The following DENND1A variants were observed in gnomAD, a reference collection of about 807,000 sequenced individuals.
DENND1A encodes the protein DENN domain-containing protein 1A.
DENND1A carries 51 observed loss-of-function variants against 113.7 expected under a neutral mutation model. That is an observed-to-expected ratio of 0.45 (90% CI 0.36 to 0.57). The LOEUF is 0.57. Ranked by LOEUF, DENND1A falls within the 20% of genes least tolerant of loss-of-function variation. DENND1A has a pLI of 0.00. For missense variants in DENND1A, 1,258 were observed against 1,395.9 expected (o/e 0.90, Z 1.57); for synonymous variants, 565 against 570.8 (o/e 0.99, Z 0.14).
At chr9:123,563,744 A>C (rs1199261479) in intron 12 of DENND1A, among the ~76,000 whole-genome samples, 1 of 152,192 alleles carries the variant, frequency 6.6e-6, no homozygotes, top group Non-Finnish European at 1.5e-5. Context: ...CCCTACTGTG[A>C]ATATAATAAA....
intron 13 of DENND1A, among the ~76,000 whole-genome samples, chr9:123,514,601 G>A (rs546043128): frequency 5.9e-5 from 9 of 152,304 alleles, no homozygotes; most frequent in African/African-American, 2.2e-4. Context: ...GGAAAATATA[G>A]GCCAGGTTTT....
At chr9:123,805,460 G>A (rs1161065678) in intron 2 of DENND1A, among the ~76,000 whole-genome samples, 1 of 147,550 alleles carries the variant, frequency 6.8e-6, no homozygotes, top group Non-Finnish European at 1.5e-5. Flanking sequence ...TTGAGACAGA[G>A]TCTCACTCTG....
At chr9:123,650,455 A>G (rs1377409665) in intron 9 of DENND1A, among the ~76,000 whole-genome samples, 1 of 152,158 alleles carries the variant, frequency 6.6e-6, no homozygotes, top group Non-Finnish European at 1.5e-5. Context: ...TCCACTTATA[A>G]AAATATTTTT....
intron 13 of DENND1A, among the ~76,000 whole-genome samples, chr9:123,483,359 G>A (rs1415133864): frequency 5.9e-5 from 9 of 152,314 alleles, no homozygotes; most frequent in Admixed American, 6.5e-5. Context: ...GGGCCATGCC[G>A]CCGCTGCTGC....
At chr9:123,908,821 C>A (rs1415519505) in intron 1 of DENND1A, among the ~76,000 whole-genome samples, 1 of 152,172 alleles carries the variant, frequency 6.6e-6, no homozygotes, top group East Asian at 1.9e-4. Context: ...CTAGAAACAC[C>A]ATTCGACCCA....
chr9:123,744,096 A>G (rs1342431858), intron 5 of DENND1A, among the ~76,000 whole-genome samples: 1 of 152,252 alleles, frequency 6.6e-6, no homozygotes, highest in Non-Finnish European at 1.5e-5. Flanking sequence ...ATTATTGTGC[A>G]GTGAATATTT....
Position 123,387,853 on chromosome 9 carries a change from A to G in DENND1A, c.1637T>C (p.Val546Ala). The change falls in exon 22 of 24, where the codon GTA (valine) becomes GCA (alanine). Residue 546 changes from valine (V) to alanine (A), a missense_variant. Physicochemically the swap from Val to Ala is moderately conservative, Grantham distance 64 (BLOSUM62 0). Coordinates refer to ENST00000394215, the MANE Select transcript of DENND1A (RefSeq NM_001352964.2). ...GACCGCATAGTGTCGCAAGGGCTTTACCAGGCTGGGGCAGAGGAAGACAAA... is the reference window on the plus strand; with the variant it reads ...GACCGCATAGTGTCGCAAGGGCTTTGCCAGGCTGGGGCAGAGGAAGACAAA... Reference protein sequence around the residue: ...RTSVPSPEHLVKPLRHYAVFL... With the variant: ...RTSVPSPEHLAKPLRHYAVFL... 7.8e-7 allele frequency: 1 copy of G among 1,290,018 alleles called. No individual in the cohort carries two copies. Among genetic ancestry groups the G allele is most frequent in the South Asian group, 1.2e-5 (1 of 81,010 alleles). The allele number at this position is 1,290,018 out of a possible 1,614,324, so 79.9% of individuals were successfully genotyped here.
intron 2 of DENND1A, among the ~76,000 whole-genome samples, chr9:123,846,627 A>T (rs957368026): frequency 6.6e-6 from 1 of 152,376 alleles, no homozygotes; most frequent in East Asian, 1.9e-4. Context: ...GATTCCACTT[A>T]TATGAGGAAA....
chr9:123,870,864 A>C (rs1846488890), intron 2 of DENND1A, among the ~76,000 whole-genome samples: 1 of 152,188 alleles, frequency 6.6e-6, no homozygotes, highest in Admixed American at 6.5e-5. Context: ...TAAGAAAGTA[A>C]TATTAAGAAA....
chr9:123,415,270 G>A (rs1412680190), intron 19 of DENND1A, among the ~76,000 whole-genome samples: 1 of 152,158 alleles, frequency 6.6e-6, no homozygotes, highest in African/African-American at 2.4e-5. Context: ...GGCACGAGGG[G>A]ATCCTGTCAC....
intron 5 of DENND1A, among the ~76,000 whole-genome samples, chr9:123,740,899 T>TGAGAGAGA (rs56006420): frequency 0.036 from 3,916 of 108,794 alleles, 300 homozygotes; most frequent in South Asian, 0.064. Context: ...GAAGGGAAAG[T>TGAGAGAGA]GAGAGAGAGA....
chr9:123,389,847 C>T (rs1350205377), intron 21 of DENND1A, among the ~76,000 whole-genome samples: 4 of 152,230 alleles, frequency 2.6e-5, no homozygotes, highest in Non-Finnish European at 5.9e-5. Flanking sequence ...TTCTGCTGCA[C>T]TCTGGGGAGC....
intron 5 of DENND1A, among the ~76,000 whole-genome samples, chr9:123,746,041 AT>A (rs2069474544): frequency 6.6e-6 from 1 of 152,232 alleles, no homozygotes; most frequent in Admixed American, 6.5e-5. Flanking sequence ...AAAAATTAAT[AT>A]CAGGGTGCTA....
At chr9:123,828,101 A>G (rs986363783) in intron 2 of DENND1A, among the ~76,000 whole-genome samples, 6 of 152,290 alleles carry the variant, frequency 3.9e-5, no homozygotes, top group African/African-American at 1.4e-4. Context: ...GTTATTTCAC[A>G]GACTGAAATA....
rs139943090 is a variant in DENND1A, at chr9:123,807,305, T to A, written c.89-14675A>T. Reference sequence around the variant, plus strand: ...TAAATATGTTCCTGGGAAATTAGATTTACATTACAACAGTTTATAATGTCC... The same window carrying A: ...TAAATATGTTCCTGGGAAATTAGATATACATTACAACAGTTTATAATGTCC... On this transcript the variant is annotated intron_variant, in intron 2 of 23. Coordinates refer to ENST00000394215, the MANE Select transcript of DENND1A (RefSeq NM_001352964.2). Among the ~76,000 whole-genome samples the A allele has an allele frequency of 2.3e-3, 351 of 152,328 alleles. 1 individual carries two copies. Among genetic ancestry groups the A allele is most frequent in the Non-Finnish European group, 4.2e-3 (289 of 68,026 alleles).
At chr9:123,652,158 T>C in intron 8 of DENND1A, 35 bp from the exon 9 acceptor site, 1 of 1,559,080 alleles carries the variant, frequency 6.4e-7, no homozygotes, top group Non-Finnish European at 8.8e-7. Context: ...TTGTGGCTGA[T>C]TTTCTTTGTT....
chr9:123,690,657 C>T (rs7026674), intron 5 of DENND1A, among the ~76,000 whole-genome samples: 63,522 of 152,056 alleles, frequency 0.42, 16,263 homozygotes, highest in African/African-American at 0.73. Context: ...TAACTGTTAA[C>T]AAAATATCCC....
intron 3 of DENND1A, among the ~76,000 whole-genome samples, chr9:123,771,018 T>C (rs1344297765): frequency 1.3e-5 from 2 of 152,174 alleles, no homozygotes; most frequent in Non-Finnish European, 2.9e-5. Flanking sequence ...ACTGGTACTA[T>C]GTATATCACA....
Position 123,519,117 on chromosome 9 carries a change from T to C in DENND1A, c.993+38453A>G, listed in dbSNP as rs576758117. 1.1e-3 allele frequency among the ~76,000 whole-genome samples: 168 copies of C among 152,338 alleles called. 1 individual carries two copies. Among genetic ancestry groups the C allele is most frequent in the African/African-American group, 3.6e-3 (151 of 41,572 alleles). ...CCCTCCACCCAACACGGATGGCTGA[T>C]GTCAGCTCCAAGAGGACTTCCCTGA... is the stretch of plus-strand genomic sequence containing the variant. On this transcript the variant is annotated intron_variant, in intron 13 of 23. Coordinates refer to ENST00000394215, the MANE Select transcript of DENND1A (RefSeq NM_001352964.2).
Sources: gnomAD v4.1 joint callset for allele counts (sites outside exome capture counted in the v4.1 genomes callset) on GRCh38, gnomAD v4.1.1 for gene constraint, MANE v1.5 for transcripts, NCBI Gene and HGNC (gene_info 2026-07-23, HGNC 2026-07-21) for gene names.